The following OR51M1 variants were observed in gnomAD, a reference collection of about 807,000 sequenced individuals.
OR51M1 encodes olfactory receptor family 51 subfamily M member 1.
For missense variants in OR51M1, 509 were observed against 404.4 expected (o/e 1.26, Z -2.22); for synonymous variants, 199 against 155.1 (o/e 1.28, Z -2.10).
chr11:5,391,644 T>C lies in OR51M1; in HGVS notation c.*1265T>C. The stretch of plus-strand genomic sequence containing the variant: ...GAAGCCCAAGAAGACACCTTTCTGC[T>C]GGCATCCATCAAGGTGGTATATCTT... On this transcript the variant is annotated 3_prime_UTR_variant, in exon 3 of 3. Coordinates refer to ENST00000642046, the MANE Select transcript of OR51M1 (RefSeq NM_001004756.3). 6.6e-6 allele frequency: 1 copy of C among 152,240 alleles called. No individual in the cohort carries two copies. Among genetic ancestry groups the C allele is most frequent in the Non-Finnish European group, 1.5e-5 (1 of 68,046 alleles). 9.4% of individuals were successfully genotyped at this position (152,240 alleles called of 1,614,324 possible). A position where few individuals can be genotyped will look rare whatever the true frequency, so the allele number is the denominator to read the frequency against.
At chr11:5,387,583 G>T (rs926844113) in intron 2 of OR51M1, among the ~76,000 whole-genome samples, 1 of 152,144 alleles carries the variant, frequency 6.6e-6, no homozygotes, top group Non-Finnish European at 1.5e-5. Flanking sequence ...CATACATGAC[G>T]TAGCATTTAG....
intron 1 of OR51M1, among the ~76,000 whole-genome samples, chr11:5,384,174 T>C (rs1589966600): frequency 1.3e-5 from 2 of 152,186 alleles, no homozygotes; most frequent in African/African-American, 2.4e-5. Context: ...TGTTGTTGTT[T>C]CTTTGTTTGT....
chr11:5,388,880 G>C (rs1314774770), intron 2 of OR51M1, among the ~76,000 whole-genome samples: 2 of 152,016 alleles, frequency 1.3e-5, no homozygotes, highest in African/African-American at 4.8e-5. Context: ...CTTGGTGATT[G>C]GTTGATTAGA....
In OR51M1 at chr11:5,389,580, T is replaced by C. The variant is rs201780074; in HGVS notation, c.182T>C (p.Ile61Thr). Reference sequence around the variant, plus strand: ...GGCAATTGTTTCATTCTGATCATTATTAAGACCAACCCTCGTCTGCACACA... The same window carrying C: ...GGCAATTGTTTCATTCTGATCATTACTAAGACCAACCCTCGTCTGCACACA... ...ISGNCFILII[I>T]KTNPRLHTPM... Residue 61 changes from isoleucine to threonine, a missense_variant, in exon 3 of 3, where the codon ATT (isoleucine) becomes ACT (threonine). Transcript: ENST00000642046. 2.1e-4 allele frequency: 337 copies of C among 1,613,792 alleles called. No individual in the cohort carries two copies. Among genetic ancestry groups the C allele is most frequent in the Non-Finnish European group, 2.8e-4 (328 of 1,179,842 alleles).
chr11:5,391,536 T>C lies in OR51M1; in HGVS notation c.*1157T>C, dbSNP rs115744188. 0.01 allele frequency: 1,545 copies of C among 152,308 alleles called. 26 individuals carry two copies. The highest frequency in any genetic ancestry group is 0.034 in the African/African-American group (1,433 of 41,558). 9.4% of individuals were successfully genotyped at this position (152,308 alleles called of 1,614,324 possible). A position where few individuals can be genotyped will look rare whatever the true frequency, so the allele number is the denominator to read the frequency against. Reference sequence around the variant, plus strand: ...ACTCAATAAATATTAAATGTATGCGTGGACATATAGATACATAAAGAGGGA... The same window carrying C: ...ACTCAATAAATATTAAATGTATGCGCGGACATATAGATACATAAAGAGGGA... On this transcript the variant is annotated 3_prime_UTR_variant, in exon 3 of 3. Coordinates refer to ENST00000642046, the MANE Select transcript of OR51M1 (RefSeq NM_001004756.3).
rs543490303 is a variant in OR51M1, at chr11:5,392,735, A to C, written c.*2356A>C. ...AGACCATCCTGGCTAACACGGTGGAACCCAGTCTCTACTAAAAATACAAAA... is the reference window on the plus strand; with the variant it reads ...AGACCATCCTGGCTAACACGGTGGACCCCAGTCTCTACTAAAAATACAAAA... On this transcript the variant is annotated 3_prime_UTR_variant, in exon 3 of 3. Coordinates refer to ENST00000642046, the MANE Select transcript of OR51M1 (RefSeq NM_001004756.3). The C allele has an allele frequency of 2.0e-5, 3 of 152,358 alleles. No individual in the cohort carries two copies. The highest frequency in any genetic ancestry group is 7.2e-5 in the African/African-American group (3 of 41,544). The allele number at this position is 152,358 out of a possible 1,614,324, so 9.4% of individuals were successfully genotyped here.
chr11:5,385,889 TATATG>T (rs2133723770), intron 2 of OR51M1, among the ~76,000 whole-genome samples: 1 of 149,304 alleles, frequency 6.7e-6, no homozygotes. Flanking sequence ...TCTATACACT[TATATG>T]TTATTTAAAC....
At chr11:5,389,307 C>A in intron 2 of OR51M1, 77 bp from the exon 3 acceptor site, 2 of 1,228,932 alleles carry the variant, frequency 1.6e-6, no homozygotes, top group Non-Finnish European at 2.3e-6. Flanking sequence ...GTGATGATGA[C>A]CATGGTACTG....
At chr11:5,388,392 G>T (rs936507661) in intron 2 of OR51M1, among the ~76,000 whole-genome samples, 1 of 151,442 alleles carries the variant, frequency 6.6e-6, no homozygotes. Flanking sequence ...AACTAAACTT[G>T]GGGAATTTAA....
intron 2 of OR51M1, among the ~76,000 whole-genome samples, chr11:5,388,939 T>G (rs1251147366): frequency 6.6e-6 from 1 of 152,152 alleles, no homozygotes; most frequent in Non-Finnish European, 1.5e-5. Flanking sequence ...AACATGACAT[T>G]TGACTTGAGC....
In OR51M1 at chr11:5,392,970, A is replaced by C. The variant is rs1231980405; in HGVS notation, c.*2591A>C. On this transcript the variant is annotated 3_prime_UTR_variant, in exon 3 of 3. Coordinates refer to ENST00000642046, the MANE Select transcript of OR51M1 (RefSeq NM_001004756.3). ...TGTGCTGTTAAGTATGTGGTAAAAG[A>C]GGTATTTTCACATACCAGAATGAAA... 6.6e-6 allele frequency: 1 copy of C among 152,236 alleles called. No individual in the cohort carries two copies. Among genetic ancestry groups the C allele is most frequent in the African/African-American group, 2.4e-5 (1 of 41,460 alleles). 9.4% of individuals were successfully genotyped at this position (152,236 alleles called of 1,614,324 possible).
At position 5,390,489 on chromosome 11, in the gene OR51M1, C is replaced by G; in HGVS notation, c.*110C>G. On this transcript the variant is annotated 3_prime_UTR_variant, in exon 3 of 3. Coordinates refer to ENST00000642046, the MANE Select transcript of OR51M1 (RefSeq NM_001004756.3). ...CTCTTAAAGATTTTTTGCCCCTGTC[C>G]TAAATAAAATATGGGCAAATTTATG... The G allele has an allele frequency of 1.1e-6, 1 of 946,526 alleles. No individual in the cohort carries two copies. The highest frequency in any genetic ancestry group is 3.0e-5 in the Admixed American group (1 of 33,240). 58.6% of individuals were successfully genotyped at this position (946,526 alleles called of 1,614,324 possible).
chr11:5,388,700 A>G (rs1404282651), intron 2 of OR51M1, among the ~76,000 whole-genome samples: 1 of 151,574 alleles, frequency 6.6e-6, no homozygotes, highest in Non-Finnish European at 1.5e-5. Flanking sequence ...TTCATTAAAA[A>G]CTTGTTTATG....
intron 1 of OR51M1, among the ~76,000 whole-genome samples, chr11:5,384,544 A>T (rs541062505): frequency 6.6e-6 from 1 of 152,300 alleles, no homozygotes; most frequent in African/African-American, 2.4e-5. Context: ...CACTCCCCTG[A>T]TGAGTGCCTG....
At position 5,391,777 on chromosome 11, in the gene OR51M1, G is replaced by C. The variant is rs964884713; in HGVS notation, c.*1398G>C. 2 of 7,574 alleles carry C rather than the reference G, an allele frequency of 2.6e-4. No homozygotes were observed. Among genetic ancestry groups the C allele is most frequent in the Non-Finnish European group, 8.9e-4 (2 of 2,248 alleles). The allele number at this position is 7,574 out of a possible 1,614,324, so 0.5% of individuals were successfully genotyped here. On this transcript the variant is annotated 3_prime_UTR_variant, in exon 3 of 3. Transcript: ENST00000642046. ...CACGGTGGCTTATGCTATAATCCCA[G>C]CACTTTGGGAGACCAAGGTGGGAGG...
chr11:5,385,078 T>G (rs1159317437), intron 1 of OR51M1, among the ~76,000 whole-genome samples: 3 of 152,230 alleles, frequency 2.0e-5, no homozygotes, highest in Non-Finnish European at 4.4e-5. Context: ...AGCCAATTAC[T>G]CATTGTATAC....
Position 5,390,171 on chromosome 11 carries a change from G to C in OR51M1, c.773G>C (p.Cys258Ser), listed in dbSNP as rs749542496. 1.2e-6 allele frequency: 2 copies of C among 1,613,880 alleles called. No homozygotes were observed. Among genetic ancestry groups the C allele is most frequent in the South Asian group, 2.2e-5 (2 of 91,076 alleles). ...TTTCAGACATGCACCGCTCCTCTCTGTGCTGTGCTAGTATTCTTTGTGCCC... is the reference window on the plus strand; with the variant it reads ...TTTCAGACATGCACCGCTCCTCTCTCTGCTGTGCTAGTATTCTTTGTGCCC... ...RAFQTCTAPL[C>S]AVLVFFVPMM... Residue 258 changes from cysteine to serine, a missense_variant, in exon 3 of 3, where the codon TGT becomes TCT. By Grantham distance (112) the Cys-to-Ser change is moderately radical (BLOSUM62 -1). Transcript: ENST00000642046.
intron 2 of OR51M1, among the ~76,000 whole-genome samples, chr11:5,388,580 T>G (rs75965010): frequency 0.019 from 2,840 of 148,656 alleles, 96 homozygotes; most frequent in African/African-American, 0.067. Context: ...AATTGTTTAG[T>G]GTCATTAACA....
rs1330000987 is a variant in OR51M1, at chr11:5,391,472, G to C, written c.*1093G>C. On this transcript the variant is annotated 3_prime_UTR_variant, in exon 3 of 3. Coordinates refer to ENST00000642046, the MANE Select transcript of OR51M1 (RefSeq NM_001004756.3). ...GGAATTAGGCATGTCTTGCTCGCCA[G>C]TAAATGTATATAAATACAATGCCTA... 6.6e-6 allele frequency: 1 copy of C among 152,178 alleles called. No individual in the cohort carries two copies. The highest frequency in any genetic ancestry group is 1.5e-5 in the Non-Finnish European group (1 of 68,054). The allele number at this position is 152,178 out of a possible 1,614,324, so 9.4% of individuals were successfully genotyped here. A position where few individuals can be genotyped will look rare whatever the true frequency, so the allele number is the denominator to read the frequency against.
Sources: gnomAD v4.1 joint callset for allele counts (sites outside exome capture counted in the v4.1 genomes callset) on GRCh38, gnomAD v4.1.1 for gene constraint, MANE v1.5 for transcripts, NCBI Gene and HGNC (gene_info 2026-07-23, HGNC 2026-07-21) for gene names.